The following EXOC6B variants were observed in gnomAD, a reference collection of about 807,000 sequenced individuals.
EXOC6B encodes the protein exocyst complex component 6B.
EXOC6B carries 54 observed loss-of-function variants against 113.5 expected under a neutral mutation model. The observed-to-expected ratio is 0.48, with a 90% CI of 0.38 to 0.60. The LOEUF (loss-of-function observed/expected upper bound fraction) is 0.60. Ranked by LOEUF, EXOC6B falls within the 20% of genes least tolerant of loss-of-function variation. The pLI is 0.00. For synonymous variants in EXOC6B, 357 were observed against 339.0 expected (o/e 1.05, Z -0.58); for missense variants, 797 against 977.5 (o/e 0.82, Z 2.46).
At chr2:72,251,168 A>G (rs1046615156) in intron 20 of EXOC6B, among the ~76,000 whole-genome samples, 12 of 129,338 alleles carry the variant, frequency 9.3e-5, no homozygotes, top group Admixed American at 8.2e-5. Flanking sequence ...ATTTCTTAGC[A>G]TGTTTGTTCC....
intron 8 of EXOC6B, among the ~76,000 whole-genome samples, chr2:72,535,934 A>T (rs1702265912): frequency 6.6e-6 from 1 of 152,038 alleles, no homozygotes; most frequent in African/African-American, 2.4e-5. Flanking sequence ...TTCTGTCAAG[A>T]TGTTCAGGCT....
chr2:72,825,017 T>A lies in EXOC6B; in HGVS notation c.113+781A>T, dbSNP rs538407054. On this transcript the variant is annotated intron_variant, in intron 1 of 21. Coordinates refer to ENST00000272427, the MANE Select transcript of EXOC6B (RefSeq NM_015189.3). This position sits in a 1 kb window ranked among gnomAD's most constrained non-coding sequence, Gnocchi z 4.4. ...TAATACGGTTGTTTTGTAGCTTAAA[T>A]AAGTTGCATTTGTAAATCACTTTAT... 9.6e-4 allele frequency among the ~76,000 whole-genome samples: 146 copies of A among 152,352 alleles called. No individual in the cohort carries two copies. The highest frequency in any genetic ancestry group is 1.9e-3 in the Non-Finnish European group (127 of 68,034).
At chr2:72,817,889 A>G (rs1686351594) in intron 1 of EXOC6B, among the ~76,000 whole-genome samples, 1 of 152,194 alleles carries the variant, frequency 6.6e-6, no homozygotes, top group Admixed American at 6.5e-5. Flanking sequence ...TATTACTGCA[A>G]ACATCCCCTA....
intron 1 of EXOC6B, among the ~76,000 whole-genome samples, chr2:72,749,970 T>C (rs1681936716): frequency 6.6e-6 from 1 of 151,726 alleles, no homozygotes. Context: ...ATGTATACTA[T>C]ATATATAAAT....
intron 2 of EXOC6B, among the ~76,000 whole-genome samples, chr2:72,733,660 G>T (rs778525730): frequency 2.0e-5 from 3 of 152,060 alleles, no homozygotes; most frequent in Non-Finnish European, 2.9e-5. Context: ...CCATCAGATA[G>T]TCAAAAATTT....
At chr2:72,579,209 C>T (rs766406863) in intron 6 of EXOC6B, among the ~76,000 whole-genome samples, 12 of 151,966 alleles carry the variant, frequency 7.9e-5, no homozygotes, top group Admixed American at 4.6e-4. Flanking sequence ...GTATTCTGGC[C>T]GTGATGACTA....
intron 5 of EXOC6B, among the ~76,000 whole-genome samples, chr2:72,725,512 C>A (rs1279607586): frequency 1.3e-5 from 2 of 152,046 alleles, no homozygotes; most frequent in African/African-American, 4.8e-5. Context: ...TGCCTCAGCC[C>A]CTCTGAGGAG....
At chr2:72,725,162 A>C (rs920691790) in intron 5 of EXOC6B, among the ~76,000 whole-genome samples, 2 of 152,212 alleles carry the variant, frequency 1.3e-5, no homozygotes, top group Admixed American at 1.3e-4. Context: ...CAAATGATAA[A>C]GACAAAAGTT....
chr2:72,335,066 G>T, intron 19 of EXOC6B, 46 bp from the exon 20 acceptor site: 2 of 1,551,266 alleles, frequency 1.3e-6, no homozygotes, highest in East Asian at 2.2e-5. Flanking sequence ...ACTAACCATG[G>T]ACAGGGAGAT....
chr2:72,414,254 C>T (rs1392250495), intron 18 of EXOC6B, among the ~76,000 whole-genome samples: 1 of 152,080 alleles, frequency 6.6e-6, no homozygotes, highest in Non-Finnish European at 1.5e-5. Flanking sequence ...AGGCTCTGCA[C>T]TGAGTATTCT....
chr2:72,603,992 G>A (rs1670596692), intron 6 of EXOC6B, among the ~76,000 whole-genome samples: 2 of 151,760 alleles, frequency 1.3e-5, no homozygotes, highest in South Asian at 4.2e-4. Context: ...ATCCTGATAT[G>A]CTAGAATGTT....
intron 10 of EXOC6B, 68 bp from the exon 11 acceptor site, chr2:72,513,320 G>A: frequency 6.3e-7 from 1 of 1,587,052 alleles, no homozygotes; most frequent in Non-Finnish European, 8.6e-7. Flanking sequence ...TCTGGGGTTT[G>A]ACAAGCATTA....
chr2:72,410,194 A>G (rs1352471994), intron 18 of EXOC6B, among the ~76,000 whole-genome samples: 1 of 152,228 alleles, frequency 6.6e-6, no homozygotes, highest in Non-Finnish European at 1.5e-5. Context: ...GCCACTTGCA[A>G]CCATCATTCC....
At chr2:72,622,691 C>CA (rs764511492) in intron 6 of EXOC6B, among the ~76,000 whole-genome samples, 10 of 152,030 alleles carry the variant, frequency 6.6e-5, no homozygotes, top group Non-Finnish European at 1.2e-4. Flanking sequence ...GCCTGGGTGA[C>CA]AGAGCCCAGA....
rs374668988 is a variant in EXOC6B, at chr2:72,407,278, C to T, written c.1981-27408G>A. Among the ~76,000 whole-genome samples, 27 of 152,258 alleles carry T rather than the reference C, an allele frequency of 1.8e-4. No individual in the cohort carries two copies. In the East Asian group the frequency reaches 4.6e-3, roughly 26 times the overall value. On this transcript the variant is annotated intron_variant, in intron 18 of 21. Transcript: ENST00000272427. Reference sequence around the variant, plus strand: ...CAGAAGGATTCACAGCTGAATTCTACCAGAGGTACAAGGAGGAGCTGGTAC... The same window carrying T: ...CAGAAGGATTCACAGCTGAATTCTATCAGAGGTACAAGGAGGAGCTGGTAC...
chr2:72,669,189 A>G (rs1005790011), intron 6 of EXOC6B, among the ~76,000 whole-genome samples: 2 of 152,118 alleles, frequency 1.3e-5, no homozygotes, highest in African/African-American at 2.4e-5. Context: ...TCCTGTCAAC[A>G]TTGTTCACCA....
At chr2:72,544,117 A>G (rs925280558) in intron 8 of EXOC6B, among the ~76,000 whole-genome samples, 1 of 152,222 alleles carries the variant, frequency 6.6e-6, no homozygotes, top group African/African-American at 2.4e-5. Flanking sequence ...GATGGAAAAT[A>G]AAGTCCATTT....
intron 20 of EXOC6B, among the ~76,000 whole-genome samples, chr2:72,292,921 T>C (rs1431128174): frequency 2.6e-5 from 4 of 152,194 alleles, no homozygotes; most frequent in African/African-American, 7.2e-5. Context: ...ACAGTTTGTT[T>C]ATCCTTTCAT....
chr2:72,576,831 G>A (rs1704895082), intron 6 of EXOC6B, among the ~76,000 whole-genome samples: 2 of 151,942 alleles, frequency 1.3e-5, no homozygotes, highest in Admixed American at 1.3e-4. Flanking sequence ...GTAATATTTG[G>A]TATTACCCCA....
Sources: gnomAD v4.1 joint callset for allele counts (sites outside exome capture counted in the v4.1 genomes callset) on GRCh38, gnomAD v4.1.1 for gene constraint, Gnocchi (gnomAD v3.1) non-coding constraint, MANE v1.5 for transcripts, NCBI Gene and HGNC (gene_info 2026-07-23, HGNC 2026-07-21) for gene names.